WDR62: variants seen among roughly 807,000 people sequenced by gnomAD.
WDR62 encodes the protein WD repeat domain 62, also known as WD repeat-containing protein 62.
WDR62 carries 112 observed loss-of-function variants against 160.6 expected under a neutral mutation model. That is an observed-to-expected ratio of 0.70 (90% CI 0.60 to 0.82). The LOEUF (loss-of-function observed/expected upper bound fraction) is 0.82. WDR62 is among the 40% of genes least tolerant of loss of function. The probability of loss-of-function intolerance (pLI) is 0.00; values close to 1 mark genes in which losing one functional copy is unlikely to be tolerated. For missense variants in WDR62, 1,819 were observed against 1,983.8 expected (o/e 0.92, Z 1.58); for synonymous variants, 792 against 815.1 (o/e 0.97, Z 0.48).
At chr19:36,095,554 G>A (rs1176201270) in intron 20 of WDR62, among the ~76,000 whole-genome samples, 1 of 152,258 alleles carries the variant, frequency 6.6e-6, no homozygotes, top group Non-Finnish European at 1.5e-5. Flanking sequence ...AGCACTCAGG[G>A]AGGCCGAGGC....
intron 7 of WDR62, chr19:36,070,122 A>G (rs971078882): frequency 7.2e-5 from 11 of 151,832 alleles, no homozygotes; most frequent in African/African-American, 2.7e-4. Flanking sequence ...AAAAGACTAC[A>G]CAAAATACAT....
chr19:36,074,465 G>T (rs186602153), intron 9 of WDR62, among the ~76,000 whole-genome samples: 1 of 152,258 alleles, frequency 6.6e-6, no homozygotes, highest in East Asian at 1.9e-4. Context: ...TTCGAGATCA[G>T]CCTGGGCAAC....
At chr19:36,099,721 C>T (rs1973213017) in intron 22 of WDR62, 104 bp downstream of exon 22, 2 of 1,161,326 alleles carry the variant, frequency 1.7e-6, no homozygotes, top group Admixed American at 1.9e-5. Flanking sequence ...GGGAGGATTA[C>T]ATGAGATGGT....
intron 8 of WDR62, among the ~76,000 whole-genome samples, 180 bp from the exon 9 acceptor site, chr19:36,073,162 T>A (rs937161924): frequency 6.6e-6 from 1 of 152,084 alleles, no homozygotes; most frequent in Non-Finnish European, 1.5e-5. Context: ...GTAGCCTCTA[T>A]ATGAAAAGCA....
intron 15 of WDR62, among the ~76,000 whole-genome samples, 192 bp downstream of exon 15, chr19:36,089,498 G>A (rs1972460698): frequency 6.6e-6 from 1 of 152,174 alleles, no homozygotes; most frequent in Non-Finnish European, 1.5e-5. Context: ...CTAGAGTGCA[G>A]TGGCACCATT....
intron 13 of WDR62, among the ~76,000 whole-genome samples, chr19:36,088,128 TG>T (rs1335946047): frequency 1.3e-5 from 2 of 152,278 alleles, no homozygotes; most frequent in East Asian, 3.9e-4. Flanking sequence ...ATGTCAGGCC[TG>T]GACCCTCTCA....
At position 36,086,831 on chromosome 19, in the gene WDR62, G is replaced by A. The variant is rs747473020; in HGVS notation, c.1768+19G>A. 20 of 1,605,818 alleles carry A rather than the reference G, an allele frequency of 1.2e-5. No homozygotes were observed. Among genetic ancestry groups the A allele is most frequent in the South Asian group, 1.2e-4 (11 of 89,902 alleles). On this transcript the variant is annotated intron_variant, in intron 13 of 31. Coordinates refer to ENST00000401500, the MANE Select transcript of WDR62 (RefSeq NM_001083961.2). ...TTCGCTGGTGAGCCCCTTTCTTCCC[G>A]CTCCCTGCGCCTTGCTAGCTACCCT...
rs751713673 is a variant in WDR62 at position 36,103,982 on chromosome 19, G to A, written c.4153+1G>A. The A allele has an allele frequency of 6.3e-6, 10 of 1,597,614 alleles. No homozygotes were observed. Among genetic ancestry groups the A allele is most frequent in the Non-Finnish European group, 8.5e-6 (10 of 1,179,812 alleles). On this transcript the variant is annotated splice_donor_variant, in intron 30 of 31. Transcript: ENST00000401500. LOFTEE classifies it high-confidence loss of function. Reference sequence around the variant, plus strand: ...GCCTCCCTCCTGGAGCCCACCTCCGGTGAGTACAGCCCTGGAGCAAGGACT... The same window carrying A: ...GCCTCCCTCCTGGAGCCCACCTCCGATGAGTACAGCCCTGGAGCAAGGACT...
intron 15 of WDR62, among the ~76,000 whole-genome samples, chr19:36,090,243 G>T (rs528224675): frequency 6.6e-6 from 1 of 152,348 alleles, no homozygotes; most frequent in East Asian, 1.9e-4. Context: ...AGCTTGCAGT[G>T]TGTGGGGGAG....
At chr19:36,071,745 A>AG (rs1971312244) in intron 8 of WDR62, 29 bp downstream of exon 8, 4 of 1,601,832 alleles carry the variant, frequency 2.5e-6, no homozygotes, top group African/African-American at 1.3e-5. Context: ...AGGGAATGGG[A>AG]GGGGCCCACC....
At chr19:36,075,315 T>C (rs1476838215) in intron 9 of WDR62, 2 of 152,250 alleles carry the variant, frequency 1.3e-5, no homozygotes, top group Non-Finnish European at 2.9e-5. Flanking sequence ...ATTACAGGCA[T>C]GAGCCACCAT....
intron 13 of WDR62, among the ~76,000 whole-genome samples, chr19:36,087,119 C>T (rs1002924490): frequency 6.6e-6 from 1 of 151,902 alleles, no homozygotes; most frequent in Non-Finnish European, 1.5e-5. Flanking sequence ...GTAATCCCAG[C>T]TACTCAGGAG....
chr19:36,081,683 G>T lies in WDR62; in HGVS notation c.1371+113G>T, dbSNP rs114744677. On this transcript the variant is annotated intron_variant, in intron 10 of 31. Transcript: ENST00000401500. The stretch of plus-strand genomic sequence containing the variant: ...ACCCTAGATGTTAGGTTCCATGAGG[G>T]CAAGAGCCGGCAACCAAGGCAGGTC... 9.3e-3 allele frequency: 13,196 copies of T among 1,415,340 alleles called. 146 individuals carry two copies. Among genetic ancestry groups the T allele is most frequent in the South Asian group, 0.041 (3,488 of 85,892 alleles). The allele number at this position is 1,415,340 out of a possible 1,614,324, so 87.7% of individuals were successfully genotyped here.
chr19:36,065,816 G>A, intron 3 of WDR62, 142 bp from the exon 4 acceptor site: 1 of 826,326 alleles, frequency 1.2e-6, no homozygotes, highest in East Asian at 2.4e-5. Context: ...TGGCTCTGTG[G>A]GAGCTGCTTG....
chr19:36,093,175 C>G (rs1010248010), intron 19 of WDR62, among the ~76,000 whole-genome samples: 1 of 151,956 alleles, frequency 6.6e-6, no homozygotes, highest in Non-Finnish European at 1.5e-5. Flanking sequence ...AAGTGTTTGG[C>G]GAGCCTCTCA....
At position 36,092,778 on chromosome 19, in the gene WDR62, A is replaced by G. The variant is rs376256950; in HGVS notation, c.2300A>G (p.His767Arg). ...LEIDHRQQQQHTNDKKRSGHP... is the reference protein window; with the variant it reads ...LEIDHRQQQQRTNDKKRSGHP... ...ATTGACCACCGGCAGCAGCAGCAGCACACAAATGACAAGAAGCGGAGTGGC... is the reference window on the plus strand; with the variant it reads ...ATTGACCACCGGCAGCAGCAGCAGCGCACAAATGACAAGAAGCGGAGTGGC... The change falls in exon 19 of 32, where the codon CAC (histidine) becomes CGC (arginine). Residue 767 changes from histidine (H) to arginine (R), a missense_variant. Physicochemically the swap from His to Arg is conservative, Grantham distance 29. Around this residue, in one of 3 missense-constraint regions of WDR62, gnomAD observed 934 missense variants for 1,157.2 expected, o/e 0.81. Transcript: ENST00000401500. 31 of 1,614,022 alleles carry G rather than the reference A, an allele frequency of 1.9e-5. No individual in the cohort carries two copies. The highest frequency in any genetic ancestry group is 5.0e-5 in the Admixed American group (3 of 60,006).
In WDR62 at chr19:36,089,296, C is replaced by T. The variant is rs762420575; in HGVS notation, c.1948C>T (p.Arg650Cys). Residue 650 changes from arginine to cysteine, a missense_variant, in exon 15 of 32, where the codon CGC becomes TGC. Arg to Cys is a radical substitution (Grantham distance 180, BLOSUM62 -3). Around this residue, in one of 3 missense-constraint regions of WDR62, gnomAD observed 934 missense variants for 1,157.2 expected, o/e 0.81. Coordinates refer to ENST00000401500, the MANE Select transcript of WDR62 (RefSeq NM_001083961.2). ...QKYVAVACQD[R>C]NVRVYNTVNG... ...GTACGTGGCCGTGGCCTGCCAGGAC[C>T]GCAATGTGAGGTAAGGGGTGGCCCT... 6 of 1,614,200 alleles carry T rather than the reference C, an allele frequency of 3.7e-6. No homozygotes were observed. The highest frequency in any genetic ancestry group is 1.7e-5 in the Admixed American group (1 of 60,022).
chr19:36,109,445 G>C (rs966258990), downstream of WDR62, among the ~76,000 whole-genome samples: 1 of 152,172 alleles, frequency 6.6e-6, no homozygotes, highest in Non-Finnish European at 1.5e-5. Context: ...TTAGAAAATT[G>C]TTTAGTTGCC....
intron 20 of WDR62, among the ~76,000 whole-genome samples, chr19:36,095,545 G>C (rs1390317811): frequency 6.6e-6 from 1 of 152,238 alleles, no homozygotes; most frequent in Non-Finnish European, 1.5e-5. Flanking sequence ...TGTAATCCCA[G>C]CACTCAGGGA....
Sources: gnomAD v4.1 joint callset for allele counts (sites outside exome capture counted in the v4.1 genomes callset) on GRCh38, gnomAD v4.1.1 for gene constraint, gnomAD v4.1.1 regional missense constraint, MANE v1.5 for transcripts, NCBI Gene and HGNC (gene_info 2026-07-23, HGNC 2026-07-21) for gene names.